The following TASP1 variants were observed in gnomAD, a reference collection of about 807,000 sequenced individuals.
TASP1 encodes the protein threonine aspartase 1.
A neutral mutation model predicts 56.6 loss-of-function variants in TASP1; 16 were observed. The ratio of observed to expected loss-of-function variants is 0.28; its 90% CI spans 0.19 to 0.43. The LOEUF (loss-of-function observed/expected upper bound fraction) is 0.43, where lower values mean the gene tolerates loss of function less well. TASP1 is among the 20% of genes least tolerant of loss of function. The pLI, the probability that TASP1 is intolerant of heterozygous loss-of-function variation, is 1.00. For missense variants in TASP1, 393 were observed against 511.6 expected (o/e 0.77, Z 2.24); for synonymous variants, 179 against 184.2 (o/e 0.97, Z 0.23).
At chr20:13,247,603 G>T in the TASP1 span, among the ~76,000 whole-genome samples, 1 of 151,642 alleles carries the variant, frequency 6.6e-6, no homozygotes, top group Non-Finnish European at 1.5e-5. Context: ...TTTAGCATGA[G>T]GGATGATTAT....
At chr20:13,486,780 G>GC (rs2043331970) in intron 10 of TASP1, among the ~76,000 whole-genome samples, 1 of 152,122 alleles carries the variant, frequency 6.6e-6, no homozygotes, top group South Asian at 2.1e-4. Context: ...CTTGTCCACT[G>GC]CCCAAAAAAA....
chr20:13,500,758 G>A (rs1489078748), intron 10 of TASP1, among the ~76,000 whole-genome samples: 1 of 151,946 alleles, frequency 6.6e-6, no homozygotes, highest in African/African-American at 2.4e-5. Flanking sequence ...TAGGAATGTG[G>A]TATCCAATGT....
At chr20:13,369,557 C>T in the TASP1 span, among the ~76,000 whole-genome samples, 9 of 152,186 alleles carry the variant, frequency 5.9e-5, no homozygotes, top group South Asian at 4.1e-4. Context: ...GTCACATCTA[C>T]GTATATATCA....
chr20:13,158,237 T>G, the TASP1 span, among the ~76,000 whole-genome samples: 1 of 152,246 alleles, frequency 6.6e-6, no homozygotes, highest in Non-Finnish European at 1.5e-5. Context: ...TTTTAGCCTA[T>G]TGCCAATTGC....
the TASP1 span, among the ~76,000 whole-genome samples, chr20:13,306,889 C>T: frequency 6.6e-6 from 1 of 152,188 alleles, no homozygotes; most frequent in African/African-American, 2.4e-5. Context: ...GACAGAATCT[C>T]CTGTCAAGAA....
At chr20:13,262,516 ATG>A in the TASP1 span, among the ~76,000 whole-genome samples, 2 of 94,740 alleles carry the variant, frequency 2.1e-5, no homozygotes, top group African/African-American at 8.9e-5. Context: ...TGCTTCTTAC[ATG>A]TTTTCTTACA....
chr20:13,413,274 A>G (rs933907496), intron 13 of TASP1, among the ~76,000 whole-genome samples: 1 of 152,180 alleles, frequency 6.6e-6, no homozygotes, highest in African/African-American at 2.4e-5. Flanking sequence ...GAAATATGGT[A>G]TGGGCAACAT....
chr20:13,278,937 C>A, the TASP1 span, among the ~76,000 whole-genome samples: 7 of 152,176 alleles, frequency 4.6e-5, no homozygotes, highest in East Asian at 9.7e-4. Flanking sequence ...CCTTACATAG[C>A]GGTTAGAACA....
At chr20:13,303,941 CA>C in the TASP1 span, among the ~76,000 whole-genome samples, 3 of 151,988 alleles carry the variant, frequency 2.0e-5, no homozygotes, top group Non-Finnish European at 4.4e-5. Context: ...TGGCTTAACC[CA>C]AAAAAACTCT....
the TASP1 span, among the ~76,000 whole-genome samples, chr20:13,231,657 A>C: frequency 1.3e-5 from 2 of 152,332 alleles, no homozygotes; most frequent in South Asian, 2.1e-4. Flanking sequence ...TGACTCATGC[A>C]CATTTTAGTA....
the TASP1 span, among the ~76,000 whole-genome samples, chr20:13,327,402 G>A: frequency 0.39 from 59,191 of 151,922 alleles, 13,501 homozygotes; most frequent in African/African-American, 0.63. Flanking sequence ...TGTAGATTCA[G>A]TGCTATCCCA....
the TASP1 span, among the ~76,000 whole-genome samples, chr20:13,361,225 T>C: frequency 6.6e-6 from 1 of 152,166 alleles, no homozygotes; most frequent in Non-Finnish European, 1.5e-5. Context: ...TTAGTCTAGG[T>C]AGACGCTTTT....
chr20:13,563,394 G>T (rs932968180), intron 7 of TASP1, among the ~76,000 whole-genome samples: 13 of 151,876 alleles, frequency 8.6e-5, no homozygotes, highest in Middle Eastern at 3.2e-3. Context: ...TAACGAAGAG[G>T]AAACGCTTCC....
intron 10 of TASP1, among the ~76,000 whole-genome samples, chr20:13,500,787 T>C (rs2043919318): frequency 6.6e-6 from 1 of 152,034 alleles, no homozygotes; most frequent in Non-Finnish European, 1.5e-5. Flanking sequence ...CAATATCGAA[T>C]GCATATAACC....
chr20:13,184,201 C>T, the TASP1 span, among the ~76,000 whole-genome samples: 1 of 151,906 alleles, frequency 6.6e-6, no homozygotes, highest in Non-Finnish European at 1.5e-5. Context: ...GTGACAGTAA[C>T]CTCATAAAGG....
At chr20:13,265,606 GCAC>G in the TASP1 span, among the ~76,000 whole-genome samples, 16 of 152,138 alleles carry the variant, frequency 1.1e-4, no homozygotes, top group African/African-American at 3.6e-4. Flanking sequence ...CCCAAGCTCT[GCAC>G]TCAATCCATT....
the TASP1 span, among the ~76,000 whole-genome samples, chr20:13,263,208 T>A: frequency 0.22 from 32,952 of 152,084 alleles, 3,946 homozygotes; most frequent in East Asian, 0.45. Flanking sequence ...ATGATTGCCA[T>A]CATACACAGG....
the TASP1 span, among the ~76,000 whole-genome samples, chr20:13,370,110 CA>C: frequency 6.6e-6 from 1 of 152,070 alleles, no homozygotes; most frequent in African/African-American, 2.4e-5. Context: ...CAGATGTCAA[CA>C]CAAAGATAAG....
the TASP1 span, among the ~76,000 whole-genome samples, chr20:13,163,367 C>CAAA: frequency 7.1e-4 from 64 of 90,046 alleles, 1 homozygote; most frequent in Non-Finnish European, 1.0e-3. Flanking sequence ...GACGCTGTCT[C>CAAA]AAAAAAAAAA....
Sources: gnomAD v4.1 joint callset for allele counts (sites outside exome capture counted in the v4.1 genomes callset) on GRCh38, gnomAD v4.1.1 for gene constraint, MANE v1.5 for transcripts, NCBI Gene and HGNC (gene_info 2026-07-23, HGNC 2026-07-21) for gene names.